The following SGCZ variants were observed in gnomAD, a reference collection of about 807,000 sequenced individuals.
SGCZ encodes zeta-sarcoglycan.
A neutral mutation model predicts 41.3 loss-of-function variants in SGCZ; 40 were observed. That is an observed-to-expected ratio of 0.97 (90% confidence interval 0.75 to 1.26). The LOEUF (loss-of-function observed/expected upper bound fraction) is 1.26, where lower values mean the gene tolerates loss of function less well. Among genes scored for constraint, SGCZ ranks in the 50% most tolerant of loss-of-function variants. The probability of loss-of-function intolerance (pLI) is 0.00; values close to 1 mark genes in which losing one functional copy is unlikely to be tolerated. For synonymous variants in SGCZ, 206 were observed against 137.5 expected (o/e 1.50, Z -3.49); for missense variants, 552 against 369.8 (o/e 1.49, Z -4.04).
chr8:14,488,679 G>A (rs1801752224), intron 2 of SGCZ, among the ~76,000 whole-genome samples: 1 of 151,986 alleles, frequency 6.6e-6, no homozygotes, highest in Non-Finnish European at 1.5e-5. Context: ...AACACATGTG[G>A]CCTAATCACA....
chr8:14,813,519 A>G (rs1291350248), intron 1 of SGCZ, among the ~76,000 whole-genome samples: 6 of 152,214 alleles, frequency 3.9e-5, no homozygotes, highest in Admixed American at 2.0e-4. Flanking sequence ...ATGAAGTCAA[A>G]TAAGACTAAC....
At chr8:15,011,045 G>C (rs1255918098) in intron 1 of SGCZ, among the ~76,000 whole-genome samples, 1 of 151,750 alleles carries the variant, frequency 6.6e-6, no homozygotes, top group East Asian at 1.9e-4. Context: ...ATCAGTTTTT[G>C]CAATTTTTTC....
intron 1 of SGCZ, among the ~76,000 whole-genome samples, chr8:14,653,919 G>C (rs1166362417): frequency 2.0e-5 from 3 of 152,008 alleles, no homozygotes; most frequent in Non-Finnish European, 2.9e-5. Flanking sequence ...AATTGAACAA[G>C]CATTTCACCA....
In SGCZ at chr8:14,736,799, T is replaced by G. The variant is rs141854137; in HGVS notation, c.40-181873A>C. Among the ~76,000 whole-genome samples the G allele has an allele frequency of 4.7e-3, 719 of 152,252 alleles. 2 individuals carry two copies. Among genetic ancestry groups the G allele is most frequent in the East Asian group, 0.017 (88 of 5,174 alleles). ...ATCACATTCAGGTCATTGCAAATGC[T>G]ATTAATTAGTTCTTTTTTTATGGCT... is the stretch of plus-strand genomic sequence containing the variant. On this transcript the variant is annotated intron_variant, in intron 1 of 7. Transcript: ENST00000382080.
intron 2 of SGCZ, among the ~76,000 whole-genome samples, chr8:14,545,953 T>A (rs187466076): frequency 1.0e-3 from 155 of 152,260 alleles, no homozygotes; most frequent in Non-Finnish European, 7.8e-4. Context: ...TATCACTTGG[T>A]AGTTGTTTGC....
intron 1 of SGCZ, among the ~76,000 whole-genome samples, chr8:14,977,439 G>C (rs577181248): frequency 2.1e-4 from 32 of 152,224 alleles, no homozygotes; most frequent in Admixed American, 6.5e-5. Context: ...CAATTCTAAA[G>C]AGTAGTGCTT....
chr8:14,406,073 C>T (rs1799204540), intron 2 of SGCZ, among the ~76,000 whole-genome samples: 1 of 150,676 alleles, frequency 6.6e-6, no homozygotes, highest in Non-Finnish European at 1.5e-5. Flanking sequence ...TGCATGATCT[C>T]ATCTCCTACA....
chr8:15,073,549 TA>T (rs1805426899), intron 1 of SGCZ, among the ~76,000 whole-genome samples: 1 of 152,206 alleles, frequency 6.6e-6, no homozygotes, highest in East Asian at 1.9e-4. Context: ...AAGGTATTTT[TA>T]GATGTGATTA....
intron 5 of SGCZ, among the ~76,000 whole-genome samples, chr8:14,156,578 C>A (rs995032467): frequency 2.0e-5 from 3 of 152,170 alleles, no homozygotes; most frequent in Non-Finnish European, 2.9e-5. Context: ...GACTCTTTTG[C>A]AAACACTTGG....
intron 1 of SGCZ, among the ~76,000 whole-genome samples, chr8:15,150,705 T>C (rs991244445): frequency 6.6e-6 from 1 of 152,254 alleles, no homozygotes; most frequent in Non-Finnish European, 1.5e-5. Flanking sequence ...GCTGACTTTT[T>C]ATTTTCCTAA....
At chr8:14,381,836 C>A (rs1457180775) in intron 2 of SGCZ, among the ~76,000 whole-genome samples, 1 of 151,954 alleles carries the variant, frequency 6.6e-6, no homozygotes, top group Non-Finnish European at 1.5e-5. Flanking sequence ...TTTAATAAAG[C>A]CCTAGGCTTT....
intron 1 of SGCZ, among the ~76,000 whole-genome samples, chr8:14,872,322 T>A (rs1036614779): frequency 3.9e-5 from 6 of 152,024 alleles, no homozygotes; most frequent in Admixed American, 6.6e-5. Flanking sequence ...TATAATTTTT[T>A]AAAAAAACAT....
chr8:14,468,469 A>G (rs990742789), intron 2 of SGCZ, among the ~76,000 whole-genome samples: 1 of 152,088 alleles, frequency 6.6e-6, no homozygotes, highest in African/African-American at 2.4e-5. Flanking sequence ...GCCTCTTTTT[A>G]AAATGGCTTA....
intron 2 of SGCZ, among the ~76,000 whole-genome samples, chr8:14,467,767 C>T (rs1209242698): frequency 3.9e-5 from 6 of 152,010 alleles, no homozygotes; most frequent in African/African-American, 1.4e-4. Flanking sequence ...TGACATATAA[C>T]ACTCCTAGAG....
intron 1 of SGCZ, among the ~76,000 whole-genome samples, chr8:14,876,260 G>A (rs932207344): frequency 6.6e-6 from 1 of 152,094 alleles, no homozygotes; most frequent in African/African-American, 2.4e-5. Context: ...TAACCCATGG[G>A]TCAAAGAAGA....
intron 2 of SGCZ, among the ~76,000 whole-genome samples, chr8:14,348,677 T>C (rs1020399341): frequency 6.6e-6 from 1 of 152,094 alleles, no homozygotes; most frequent in African/African-American, 2.4e-5. Flanking sequence ...CACATTATAG[T>C]TGGAAAGATA....
intron 2 of SGCZ, among the ~76,000 whole-genome samples, chr8:14,490,159 C>T (rs1197770141): frequency 6.6e-6 from 1 of 152,118 alleles, no homozygotes; most frequent in African/African-American, 2.4e-5. Flanking sequence ...AGCCACCATG[C>T]CCGGCCAACT....
In SGCZ at chr8:14,102,092, AT is replaced by A. The variant is rs1563127083; in HGVS notation, c.744+283del. The stretch of plus-strand genomic sequence containing the variant: ...TGGCTAACTTTATATATATATATAT[AT>A]ATATATATATAATTTTTTTTTTTTT... On this transcript the variant is annotated intron_variant, in intron 7 of 7. Transcript: ENST00000382080. 5.9e-3 allele frequency among the ~76,000 whole-genome samples: 612 copies of A among 103,294 alleles called. 10 individuals carry two copies. The highest frequency in any genetic ancestry group is 0.024 in the African/African-American group (584 of 24,028). 67.8% of individuals were successfully genotyped at this position (103,294 alleles called of 152,430 possible).
intron 6 of SGCZ, 42 bp from the exon 7 acceptor site, chr8:14,102,541 CA>C: frequency 3.0e-6 from 4 of 1,319,822 alleles, no homozygotes; most frequent in Admixed American, 3.2e-5. Context: ...AAAAAAAACA[CA>C]AAAAAATCAT....
Sources: allele counts gnomAD v4.1 joint callset (sites outside exome capture counted in the v4.1 genomes callset), GRCh38; gene constraint gnomAD v4.1.1; transcripts MANE v1.5; gene names NCBI Gene and HGNC (gene_info 2026-07-23, HGNC 2026-07-21).